Variants in NCF2 observed in about 807,000 individuals in gnomAD.
NCF2 encodes neutrophil cytosolic factor 2, also known as neutrophil cytosol factor 2.
A neutral mutation model predicts 70.9 loss-of-function variants in NCF2; 45 were observed. The observed-to-expected ratio is 0.63, with a 90% CI of 0.50 to 0.81. NCF2 has a LOEUF of 0.81. Ranked by LOEUF, NCF2 falls within the 40% of genes least tolerant of loss-of-function variation. The pLI is 0.00. For missense variants in NCF2, 522 were observed against 631.6 expected (o/e 0.83, Z 1.86); for synonymous variants, 203 against 233.6 (o/e 0.87, Z 1.19).
rs1402057772 is a variant in NCF2, at chr1:183,571,764, TC to T, written c.610-926del. ...TAGCACTGTGCCAGGCTGTGAGGAC[TC>T]AGTGGAGATCAAGCAGACATGGTCT... On this transcript the variant is annotated intron_variant, in intron 5 of 14. Transcript: ENST00000367535. Among the ~76,000 whole-genome samples, 4 of 152,242 alleles carry T rather than the reference TC, an allele frequency of 2.6e-5. No individual in the cohort carries two copies. In the South Asian group the frequency reaches 6.2e-4, roughly 24 times the overall value.
chr1:183,560,030 C>A, intron 14 of NCF2, 66 bp downstream of exon 14: 1 of 1,515,212 alleles, frequency 6.6e-7, no homozygotes, highest in Non-Finnish European at 9.1e-7. Context: ...ATTTTCTTCT[C>A]TCTGCCCTTG....
intron 13 of NCF2, among the ~76,000 whole-genome samples, chr1:183,560,918 A>G (rs1672016942): frequency 6.6e-6 from 1 of 152,208 alleles, no homozygotes; most frequent in Non-Finnish European, 1.5e-5. Context: ...CTTAGCATCA[A>G]CTCTAACAGC....
At chr1:183,562,823 C>CAAAA (rs869202704) in intron 13 of NCF2, among the ~76,000 whole-genome samples, 2 of 107,606 alleles carry the variant, frequency 1.9e-5, no homozygotes, top group South Asian at 3.1e-4. Context: ...GACTCCATCT[C>CAAAA]AAAAAAAAAA....
chr1:183,566,557 A>C (rs1672307439), intron 9 of NCF2, among the ~76,000 whole-genome samples: 1 of 152,130 alleles, frequency 6.6e-6, no homozygotes, highest in Non-Finnish European at 1.5e-5. Flanking sequence ...TTTTCTTTCT[A>C]ATGGCATTGT....
intron 2 of NCF2, among the ~76,000 whole-genome samples, chr1:183,581,700 G>A (rs1256059150): frequency 2.0e-5 from 3 of 150,926 alleles, no homozygotes; most frequent in Non-Finnish European, 3.0e-5. Context: ...ACAGAGTCTC[G>A]CTCTGTTGCC....
At position 183,566,899 on chromosome 1, in the gene NCF2, C is replaced by T. The variant is rs368017482; in HGVS notation, c.924+21G>A. On this transcript the variant is annotated intron_variant, in intron 9 of 14. Coordinates refer to ENST00000367535, the MANE Select transcript of NCF2 (RefSeq NM_000433.4). ...CCCTAAAGGGTGAGAGGAAATGGGT[C>T]AGGCCTTGGCATCACATTACCTGGG... 3 of 1,613,332 alleles carry T rather than the reference C, an allele frequency of 1.9e-6. No individual in the cohort carries two copies. In the African/African-American group the frequency reaches 4.0e-5, roughly 22 times the overall value.
chr1:183,600,593 A>G, the NCF2 span, among the ~76,000 whole-genome samples: 1 of 152,170 alleles, frequency 6.6e-6, no homozygotes, highest in Non-Finnish European at 1.5e-5. Context: ...GACATTGTCT[A>G]GAAAGTCTTT....
In NCF2 at chr1:183,565,775, T is replaced by C. The variant is rs1672274370; in HGVS notation, c.929A>G (p.Glu310Gly). ...RIHPQQQPQE[E>G]SSPQSDIPAP... ...TGGGATGTCGGACTGCGGAGAGCTT[T>C]CCTCCTGAAGGCAACAGGGAGCGAC... is the stretch of plus-strand genomic sequence containing the variant. The change falls in exon 10 of 15, where the codon GAA becomes GGA. Residue 310 changes from glutamate to glycine, a missense_variant. Transcript: ENST00000367535. The C allele has an allele frequency of 6.2e-7, 1 of 1,613,698 alleles. No individual in the cohort carries two copies. The highest frequency in any genetic ancestry group is 1.7e-4 in the Middle Eastern group (1 of 5,728).
rs1301268461 is a variant in NCF2 at position 183,577,825 on chromosome 1, T to C, written c.258-118A>G. Reference sequence around the variant, plus strand: ...TTCACTGGGACAAGAAGCCTTTCAGTTCCTTTTGACCTGTTCTAGTTTTCA... The same window carrying C: ...TTCACTGGGACAAGAAGCCTTTCAGCTCCTTTTGACCTGTTCTAGTTTTCA... On this transcript the variant is annotated intron_variant, in intron 2 of 14. Coordinates refer to ENST00000367535, the MANE Select transcript of NCF2 (RefSeq NM_000433.4). 3 of 783,822 alleles carry C rather than the reference T, an allele frequency of 3.8e-6. No homozygotes were observed. In the African/African-American group the frequency reaches 5.1e-5, roughly 13 times the overall value. 48.6% of individuals were successfully genotyped at this position (783,822 alleles called of 1,614,324 possible).
chr1:183,573,638 T>C (rs1023697927), intron 4 of NCF2, among the ~76,000 whole-genome samples: 1 of 152,238 alleles, frequency 6.6e-6, no homozygotes, highest in Non-Finnish European at 1.5e-5. Flanking sequence ...GCAAGGCTCA[T>C]GACAGTGCTC....
chr1:183,583,261 C>T (rs909407117), intron 2 of NCF2, among the ~76,000 whole-genome samples: 3 of 152,144 alleles, frequency 2.0e-5, no homozygotes, highest in Non-Finnish European at 4.4e-5. Flanking sequence ...GCCATGTTGG[C>T]CAGGCTGGTT....
chr1:183,586,798 G>T (rs1004379525), intron 2 of NCF2, 97 bp downstream of exon 2: 15 of 1,087,490 alleles, frequency 1.4e-5, no homozygotes, highest in South Asian at 5.0e-5. Context: ...CCCAACAGAG[G>T]TTGGGAAGGT....
At chr1:183,573,122 C>G in intron 5 of NCF2, 63 bp downstream of exon 5, 3 of 1,465,558 alleles carry the variant, frequency 2.0e-6, no homozygotes, top group Non-Finnish European at 2.9e-6. Flanking sequence ...AGAGTCCCTC[C>G]CACCTTGCTC....
chr1:183,569,956 A>T (rs563212845), intron 6 of NCF2, among the ~76,000 whole-genome samples: 1 of 152,332 alleles, frequency 6.6e-6, no homozygotes, highest in East Asian at 1.9e-4. Flanking sequence ...CCTGTTCTAC[A>T]CTGAATACCA....
In NCF2 at chr1:183,590,275, T is replaced by C. The variant is rs1673582296; in HGVS notation, c.55A>G (p.Lys19Glu). ...LWNEGVLAAD[K>E]KDWKGALDAF... ...TCCAGGGCTCCCTTCCAGTCCTTCT[T>C]GTCCGCTGCCAGCACCCCTTCATTC... Residue 19 changes from lysine to glutamate, a missense_variant, in exon 1 of 15, where the codon AAG (lysine) becomes GAG (glutamate). Coordinates refer to ENST00000367535, the MANE Select transcript of NCF2 (RefSeq NM_000433.4). 1 of 1,614,118 alleles carries C rather than the reference T, an allele frequency of 6.2e-7. No homozygotes were observed. Among genetic ancestry groups the C allele is most frequent in the East Asian group, 2.2e-5 (1 of 44,876 alleles).
intron 2 of NCF2, among the ~76,000 whole-genome samples, chr1:183,582,191 C>T (rs1163553282): frequency 6.6e-6 from 1 of 152,186 alleles, no homozygotes; most frequent in South Asian, 2.1e-4. Context: ...GCCAGTGGGC[C>T]GTGCTGCGGC....
At chr1:183,558,883 A>G (rs1031996150) in intron 14 of NCF2, among the ~76,000 whole-genome samples, 3 of 151,962 alleles carry the variant, frequency 2.0e-5, no homozygotes, top group Admixed American at 6.6e-5. Context: ...TAACTTTAAA[A>G]TTTCCCCCTC....
chr1:183,574,487 C>G lies in NCF2; in HGVS notation c.501G>C (p.Trp167Cys). ...SKIDKAMECVWKQKLYEPVVI... is the reference protein window; with the variant it reads ...SKIDKAMECVCKQKLYEPVVI... ...ACACCTGCATCACCAATACGCTTAC[C>G]CAGACACACTCCATCGCCTTGTCGA... Residue 167 changes from tryptophan (W) to cysteine (C), a missense_variant and splice_region_variant, in exon 4 of 15, where the codon TGG becomes TGC. Coordinates refer to ENST00000367535, the MANE Select transcript of NCF2 (RefSeq NM_000433.4). 1 of 1,614,206 alleles carries G rather than the reference C, an allele frequency of 6.2e-7. No individual in the cohort carries two copies. Among genetic ancestry groups the G allele is most frequent in the Non-Finnish European group, 8.5e-7 (1 of 1,180,038 alleles).
At chr1:183,599,728 T>A in the NCF2 span, among the ~76,000 whole-genome samples, 1 of 151,938 alleles carries the variant, frequency 6.6e-6, no homozygotes, top group Non-Finnish European at 1.5e-5. Flanking sequence ...ATTTTTTGTA[T>A]TTTTAGTAGA....
Sources: gnomAD v4.1 joint callset for allele counts (sites outside exome capture counted in the v4.1 genomes callset) on GRCh38, gnomAD v4.1.1 for gene constraint, MANE v1.5 for transcripts, NCBI Gene and HGNC (gene_info 2026-07-23, HGNC 2026-07-21) for gene names.